The following RBM26 variants were observed in gnomAD, a reference collection of about 807,000 sequenced individuals.
The protein encoded by RBM26 is RNA binding motif protein 26.
In RBM26, 30 loss-of-function variants were observed where a neutral mutation model predicts 123.6. The ratio of observed to expected loss-of-function variants is 0.24; its 90% confidence interval spans 0.18 to 0.33. The LOEUF is 0.33. Among genes scored for constraint, RBM26 ranks in the 10% least tolerant of loss-of-function variants. The pLI, the probability that RBM26 is intolerant of heterozygous loss-of-function variation, is 1.00. For synonymous variants in RBM26, 400 were observed against 404.4 expected (o/e 0.99, Z 0.13); for missense variants, 947 against 1,203.6 (o/e 0.79, Z 3.15).
chr13:79,399,385 A>G (rs2078871869), intron 1 of RBM26, among the ~76,000 whole-genome samples: 2 of 152,208 alleles, frequency 1.3e-5, no homozygotes, highest in African/African-American at 4.8e-5. Flanking sequence ...AATAGTAAGC[A>G]CTCAATAAAT....
In RBM26 at chr13:79,341,218, C is replaced by T. The variant is rs1402265208; in HGVS notation, c.2437G>A (p.Glu813Lys). The T allele has an allele frequency of 2.5e-6, 4 of 1,597,896 alleles. No homozygotes were observed. The highest frequency in any genetic ancestry group is 3.4e-6 in the Non-Finnish European group (4 of 1,167,910). The change falls in exon 18 of 22, where the codon GAA (glutamate) becomes AAA (lysine). Residue 813 changes from glutamate to lysine, a missense_variant. Coordinates refer to ENST00000438737, the MANE Select transcript of RBM26 (RefSeq NM_001366735.2). ...SIKTKTQMQK[E>K]LLDTELDLYK... Reference sequence around the variant, plus strand: ...AAATCCAGTTCTGTGTCAAGTAATTCCTTCTGCATCTAAAAAATAGTAATT... The same window carrying T: ...AAATCCAGTTCTGTGTCAAGTAATTTCTTCTGCATCTAAAAAATAGTAATT...
At chr13:79,386,248 A>C (rs1322427227) in intron 1 of RBM26, among the ~76,000 whole-genome samples, 1 of 152,058 alleles carries the variant, frequency 6.6e-6, no homozygotes, top group Non-Finnish European at 1.5e-5. Context: ...GTCTGTTATG[A>C]CATGTTATAC....
intron 1 of RBM26, among the ~76,000 whole-genome samples, chr13:79,399,263 G>A (rs889550909): frequency 2.0e-5 from 3 of 152,160 alleles, no homozygotes; most frequent in African/African-American, 7.2e-5. Flanking sequence ...GAATCAAAAT[G>A]TCTTCTTTTG....
At chr13:79,335,322 GTAAA>G (rs1210339664) in intron 19 of RBM26, among the ~76,000 whole-genome samples, 1 of 151,940 alleles carries the variant, frequency 6.6e-6, no homozygotes, top group Admixed American at 6.6e-5. Context: ...TAAAATGGGC[GTAAA>G]TAAAGGTATC....
chr13:79,360,500 T>C (rs539314004), intron 9 of RBM26, among the ~76,000 whole-genome samples: 122 of 152,150 alleles, frequency 8.0e-4, no homozygotes, highest in Non-Finnish European at 1.1e-3. Flanking sequence ...AATATATATA[T>C]ATATATCAAT....
At chr13:79,324,718 C>A (rs979769637) in intron 20 of RBM26, among the ~76,000 whole-genome samples, 2 of 150,764 alleles carry the variant, frequency 1.3e-5, no homozygotes, top group East Asian at 3.9e-4. Flanking sequence ...TTTTTTAAAT[C>A]CCTAGGATTT....
In RBM26 at chr13:79,366,881, A is replaced by T. The variant is rs369407244; in HGVS notation, c.896-9T>A. The T allele has an allele frequency of 9.0e-5, 142 of 1,581,022 alleles. No homozygotes were observed. The East Asian group carries it at 1.0e-3, about 11-fold the overall frequency. On this transcript the variant is annotated splice_polypyrimidine_tract_variant and intron_variant, in intron 6 of 21. Transcript: ENST00000438737. ...CATACAAAAACCCTTTTCTATGAGGAAGGAATAGTTAGAAACAAATGTCAA... is the reference window on the plus strand; with the variant it reads ...CATACAAAAACCCTTTTCTATGAGGTAGGAATAGTTAGAAACAAATGTCAA...
Position 79,359,684 on chromosome 13 carries a change from T to C in RBM26, c.1420A>G (p.Lys474Glu). 6.6e-7 allele frequency: 1 copy of C among 1,519,650 alleles called. No individual in the cohort carries two copies. The highest frequency in any genetic ancestry group is 8.8e-7 in the Non-Finnish European group (1 of 1,130,308). 94.1% of individuals were successfully genotyped at this position (1,519,650 alleles called of 1,614,324 possible). ...CTCATACTGCTTTTATTGGGAGGCT[T>C]TTCTGTTTTAAAACAAAAGAAAATG... ...SGDMDLPPRE[K>E]PPNKSSMRIV... Residue 474 changes from lysine to glutamate, a missense_variant and splice_region_variant, in exon 10 of 22, where the codon AAG becomes GAG. By Grantham distance (56) the Lys-to-Glu change is moderately conservative. This residue lies in a region of RBM26 where 493 missense variants were observed against 563.1 expected (regional missense o/e 0.88). Coordinates refer to ENST00000438737, the MANE Select transcript of RBM26 (RefSeq NM_001366735.2).
chr13:79,314,779 G>C (rs552620760), downstream of RBM26: 7 of 271,826 alleles, frequency 2.6e-5, no homozygotes, highest in African/African-American at 1.4e-4. Flanking sequence ...AATAAGGTCA[G>C]AGCACACATT....
chr13:79,331,689 T>G (rs1209507832), intron 20 of RBM26, among the ~76,000 whole-genome samples: 1 of 152,132 alleles, frequency 6.6e-6, no homozygotes, highest in Non-Finnish European at 1.5e-5. Flanking sequence ...GTTTCATTTT[T>G]GTTCTGATTC....
At chr13:79,397,832 G>C (rs997648440) in intron 1 of RBM26, among the ~76,000 whole-genome samples, 1 of 151,658 alleles carries the variant, frequency 6.6e-6, no homozygotes, top group South Asian at 2.1e-4. Context: ...AGAATTCAAC[G>C]TCAATATACA....
chr13:79,355,930 G>GT (rs2073924325), intron 11 of RBM26, among the ~76,000 whole-genome samples: 1 of 152,204 alleles, frequency 6.6e-6, no homozygotes, highest in African/African-American at 2.4e-5. Flanking sequence ...TTCAAGGAAT[G>GT]TGATTCTATA....
intron 1 of RBM26, among the ~76,000 whole-genome samples, chr13:79,404,885 T>A (rs1238329625): frequency 1.3e-5 from 2 of 152,208 alleles, no homozygotes; most frequent in Admixed American, 6.5e-5. Flanking sequence ...CCCCAAAGCC[T>A]CCCGTAGTAT....
At chr13:79,377,030 G>A in intron 3 of RBM26, 1 of 187,604 alleles carries the variant, frequency 5.3e-6, no homozygotes, top group East Asian at 1.2e-4. Context: ...GCAGGGCAGA[G>A]TTTCTAAGGA....
intron 14 of RBM26, among the ~76,000 whole-genome samples, chr13:79,351,352 T>C (rs561194834): frequency 6.6e-5 from 10 of 152,330 alleles, no homozygotes; most frequent in African/African-American, 2.2e-4. Context: ...TTGATACATA[T>C]ATACATTATG....
At chr13:79,375,455 G>C (rs1200927855) in intron 3 of RBM26, among the ~76,000 whole-genome samples, 1 of 151,926 alleles carries the variant, frequency 6.6e-6, no homozygotes, top group East Asian at 1.9e-4. Flanking sequence ...ACAGGCGAGA[G>C]CCACAGTGCC....
At chr13:79,350,514 C>A (rs1229148547) in intron 14 of RBM26, among the ~76,000 whole-genome samples, 2 of 152,138 alleles carry the variant, frequency 1.3e-5, no homozygotes, top group Non-Finnish European at 2.9e-5. Flanking sequence ...ATACCTCTTG[C>A]AATATCTTCA....
intron 1 of RBM26, among the ~76,000 whole-genome samples, chr13:79,405,098 A>T (rs147464189): frequency 2.1e-4 from 32 of 152,300 alleles, no homozygotes; most frequent in African/African-American, 6.7e-4. Flanking sequence ...ATAGCATCCC[A>T]CTTAAAACTG....
At chr13:79,324,580 GGTT>G (rs1015536807) in intron 20 of RBM26, among the ~76,000 whole-genome samples, 1 of 151,532 alleles carries the variant, frequency 6.6e-6, no homozygotes, top group Non-Finnish European at 1.5e-5. Context: ...GAGAGAAAGG[GGTT>G]GTTGTTGTTC....
Sources: allele counts gnomAD v4.1 joint callset (sites outside exome capture counted in the v4.1 genomes callset), GRCh38; gene constraint gnomAD v4.1.1; regional missense constraint gnomAD v4.1.1; transcripts MANE v1.5; gene names NCBI Gene and HGNC (gene_info 2026-07-23, HGNC 2026-07-21).